ZBBX: variants seen among roughly 807,000 people sequenced by gnomAD.
ZBBX encodes the protein zinc finger B-box domain containing, also known as zinc finger B-box domain-containing protein 1.
In ZBBX, 101 loss-of-function variants were observed where a neutral mutation model predicts 108.5. That is an observed-to-expected ratio of 0.93 (90% CI 0.79 to 1.10). The LOEUF (loss-of-function observed/expected upper bound fraction) is 1.10. Ranked by LOEUF, ZBBX falls within the 50% of genes least tolerant of loss-of-function variation. The pLI is 0.00. For missense variants in ZBBX, 1,009 were observed against 941.4 expected, an observed-to-expected ratio of 1.07 and a Z score of -0.94; for synonymous variants, 356 against 323.4, an observed-to-expected ratio of 1.10 and a Z score of -1.08.
intron 8 of ZBBX, among the ~76,000 whole-genome samples, chr3:167,356,417 T>C (rs1743582965): frequency 6.6e-6 from 1 of 152,180 alleles, no homozygotes; most frequent in Non-Finnish European, 1.5e-5. Flanking sequence ...CCAGTTAAAA[T>C]TGCCATTAAA....
chr3:167,316,150 C>A (rs114452432), intron 14 of ZBBX, among the ~76,000 whole-genome samples: 1 of 152,016 alleles, frequency 6.6e-6, no homozygotes, highest in African/African-American at 2.4e-5. Context: ...CATAAACTTA[C>A]GCTGTGTATC....
At chr3:167,200,794 T>C in the ZBBX span, among the ~76,000 whole-genome samples, 4 of 152,086 alleles carry the variant, frequency 2.6e-5, no homozygotes, top group Non-Finnish European at 5.9e-5. Context: ...TACTGTGAGG[T>C]AGACAAAGTA....
intron 16 of ZBBX, among the ~76,000 whole-genome samples, chr3:167,312,197 G>A (rs1164527312): frequency 6.6e-6 from 1 of 152,082 alleles, no homozygotes; most frequent in Non-Finnish European, 1.5e-5. Context: ...GCTATGTACT[G>A]TATGATTCTA....
intron 1 of ZBBX, among the ~76,000 whole-genome samples, chr3:167,407,095 C>T (rs541971799): frequency 1.3e-5 from 2 of 151,844 alleles, no homozygotes; most frequent in East Asian, 1.9e-4. Context: ...TGCTGGGTGG[C>T]GCCAGATCAT....
rs148560471 is a variant in ZBBX, at chr3:167,347,640, G to A, written c.528+2780C>T. 6.1e-3 allele frequency among the ~76,000 whole-genome samples: 929 copies of A among 152,072 alleles called. 10 individuals carry two copies. Among genetic ancestry groups the A allele is most frequent in the African/African-American group, 0.021 (876 of 41,502 alleles). The stretch of plus-strand genomic sequence containing the variant: ...CTCCTTCAAAGTACTTTATTCCTTA[G>A]TAATTCCGTTAGGTGAAATAATGTT... On this transcript the variant is annotated intron_variant, in intron 9 of 21. Transcript: ENST00000675490.
downstream of ZBBX, among the ~76,000 whole-genome samples, chr3:167,236,343 C>T (rs1269544094): frequency 3.3e-5 from 5 of 151,778 alleles, no homozygotes; most frequent in East Asian, 7.8e-4. Context: ...CACCTAAATT[C>T]ATTTATTTAT....
At chr3:167,277,615 T>C (rs890118175) in intron 20 of ZBBX, among the ~76,000 whole-genome samples, 4 of 152,100 alleles carry the variant, frequency 2.6e-5, no homozygotes, top group Non-Finnish European at 5.9e-5. Context: ...CTGAGTGACC[T>C]ACAAAGAGAC....
chr3:167,323,247 G>C (rs1045582437), intron 11 of ZBBX, among the ~76,000 whole-genome samples: 64 of 148,130 alleles, frequency 4.3e-4, no homozygotes, highest in Admixed American at 8.1e-4. Flanking sequence ...GAGGGGGGGG[G>C]GGGAAAGAAC....
At chr3:167,207,233 A>G in the ZBBX span, among the ~76,000 whole-genome samples, 1 of 152,354 alleles carries the variant, frequency 6.6e-6, no homozygotes, top group African/African-American at 2.4e-5. Flanking sequence ...AGGTTCTAAT[A>G]TCCAAAATAT....
chr3:167,281,703 T>C (rs754535378), intron 20 of ZBBX, among the ~76,000 whole-genome samples: 1 of 152,236 alleles, frequency 6.6e-6, no homozygotes, highest in Non-Finnish European at 1.5e-5. Flanking sequence ...TTTTTCAAGA[T>C]GTGGTTTGCC....
intron 7 of ZBBX, 68 bp downstream of exon 7, chr3:167,360,607 A>G (rs977133761): frequency 2.1e-6 from 2 of 944,240 alleles, no homozygotes; most frequent in Admixed American, 3.2e-5. Context: ...CTTTAACTTT[A>G]TTTGTAATTA....
chr3:167,205,653 G>A, the ZBBX span, among the ~76,000 whole-genome samples: 5 of 152,092 alleles, frequency 3.3e-5, no homozygotes, highest in Non-Finnish European at 7.4e-5. Context: ...GTGTCATGAC[G>A]TTCCTATTGC....
chr3:167,211,612 T>C, the ZBBX span, among the ~76,000 whole-genome samples: 1 of 152,116 alleles, frequency 6.6e-6, no homozygotes. Context: ...ATCTTTGCTG[T>C]TTGGGTACCT....
intron 11 of ZBBX, among the ~76,000 whole-genome samples, chr3:167,324,705 C>T (rs1288614951): frequency 6.6e-6 from 1 of 152,098 alleles, no homozygotes; most frequent in Admixed American, 6.6e-5. Flanking sequence ...CAACACCTGG[C>T]CTCTATCATT....
chr3:167,205,524 A>G, the ZBBX span, among the ~76,000 whole-genome samples: 1 of 152,196 alleles, frequency 6.6e-6, no homozygotes, highest in Non-Finnish European at 1.5e-5. Context: ...TGCTGACTTT[A>G]TAGAATTACT....
At chr3:167,226,195 C>A in the ZBBX span, among the ~76,000 whole-genome samples, 2 of 151,756 alleles carry the variant, frequency 1.3e-5, no homozygotes, top group East Asian at 1.9e-4. Context: ...GATTTTCAGA[C>A]TTCCTAAATC....
the ZBBX span, among the ~76,000 whole-genome samples, chr3:167,225,238 T>C: frequency 9.0e-3 from 1,369 of 152,020 alleles, 27 homozygotes; most frequent in African/African-American, 0.031. Context: ...TTACTGCTGC[T>C]GCCATGAGTT....
intron 9 of ZBBX, among the ~76,000 whole-genome samples, chr3:167,344,472 C>G (rs1741098837): frequency 1.3e-5 from 2 of 151,770 alleles, no homozygotes; most frequent in Admixed American, 1.3e-4. Flanking sequence ...GTTTCAAATT[C>G]TGACTCATCA....
rs770219052 is a variant in ZBBX, at chr3:167,317,040, GTCTC to G, written c.1155_1158del (p.Glu385AspfsTer6). On this transcript the variant is annotated frameshift_variant, in exon 14 of 22. Transcript: ENST00000675490. LOFTEE classifies it high-confidence loss of function. ...TCGACTATCTTTAGAGATGGTTCAG[GTCTC>G]TCTATGTTTAATGTTTCTACTGGCA... 1 of 1,609,684 alleles carries G rather than the reference GTCTC, an allele frequency of 6.2e-7. No homozygotes were observed. The highest frequency in any genetic ancestry group is 1.3e-5 in the African/African-American group (1 of 74,716).
Sources: allele counts gnomAD v4.1 joint callset (sites outside exome capture counted in the v4.1 genomes callset), GRCh38; gene constraint gnomAD v4.1.1; transcripts MANE v1.5; gene names NCBI Gene and HGNC (gene_info 2026-07-23, HGNC 2026-07-21).